SPPL3: variants seen among roughly 807,000 people sequenced by gnomAD.
SPPL3 encodes signal peptide peptidase like 3.
Under a neutral mutation model 42.4 loss-of-function variants are expected in SPPL3, and 5 were observed. That is an observed-to-expected ratio of 0.12 (90% confidence interval 0.06 to 0.25). The LOEUF (loss-of-function observed/expected upper bound fraction) is 0.25, where lower values mean the gene tolerates loss of function less well. Ranked by LOEUF, SPPL3 falls within the 10% of genes least tolerant of loss-of-function variation. SPPL3 has a pLI of 1.00. For synonymous variants in SPPL3, 195 were observed against 181.8 expected (o/e 1.07, Z -0.58); for missense variants, 235 against 489.0 (o/e 0.48, Z 4.90).
At chr12:120,821,781 T>G (rs901229364) in intron 1 of SPPL3, among the ~76,000 whole-genome samples, 3 of 152,152 alleles carry the variant, frequency 2.0e-5, no homozygotes, top group Admixed American at 1.3e-4. Context: ...TCAAACATAC[T>G]TGTACACCAA....
intron 3 of SPPL3, 97 bp from the exon 4 acceptor site, chr12:120,784,690 C>A: frequency 1.1e-6 from 1 of 925,576 alleles, no homozygotes; most frequent in South Asian, 1.8e-5. Flanking sequence ...GCAGACAGTT[C>A]TACGGATTAT....
intron 1 of SPPL3, among the ~76,000 whole-genome samples, chr12:120,898,899 T>C (rs1295132930): frequency 6.6e-6 from 1 of 152,214 alleles, no homozygotes; most frequent in Non-Finnish European, 1.5e-5. Context: ...TTCAAATAAA[T>C]TGACTTCCTT....
intron 1 of SPPL3, among the ~76,000 whole-genome samples, chr12:120,867,824 C>G (rs1371361205): frequency 6.6e-6 from 1 of 151,678 alleles, no homozygotes; most frequent in Admixed American, 6.6e-5. Flanking sequence ...CTCGGCTCAC[C>G]GCAACCTCCA....
intron 1 of SPPL3, among the ~76,000 whole-genome samples, chr12:120,903,161 A>G (rs993055133): frequency 3.9e-5 from 6 of 152,280 alleles, no homozygotes; most frequent in African/African-American, 1.2e-4. Flanking sequence ...GACTCTGCCC[A>G]TGCCCCACTG....
chr12:120,838,205 G>A (rs1214688605), intron 1 of SPPL3, among the ~76,000 whole-genome samples: 1 of 152,182 alleles, frequency 6.6e-6, no homozygotes, highest in African/African-American at 2.4e-5. Context: ...TGAGAGATGG[G>A]CTATCTGAAT....
Position 120,853,983 on chromosome 12 carries a change from TACACACACACACACACACAC to T in SPPL3, c.24-43117_24-43098del, listed in dbSNP as rs58246859. On this transcript the variant is annotated intron_variant, in intron 1 of 10. Transcript: ENST00000353487. ...CACCACCACCACACACACGCACACA[TACACACACACACACACACAC>T]ACACACACACACACACACACACGGG... Among the ~76,000 whole-genome samples, 51 of 130,302 alleles carry T rather than the reference TACACACACACACACACACAC, an allele frequency of 3.9e-4. 2 individuals are homozygous for T. The highest frequency in any genetic ancestry group is 3.2e-4 in the Admixed American group (4 of 12,658). 85.5% of individuals were successfully genotyped at this position (130,302 alleles called of 152,430 possible).
chr12:120,817,367 T>C (rs1870918009), intron 1 of SPPL3, among the ~76,000 whole-genome samples: 1 of 152,218 alleles, frequency 6.6e-6, no homozygotes, highest in Non-Finnish European at 1.5e-5. Flanking sequence ...GAAATACTCT[T>C]TCCATCTTTC....
chr12:120,766,356 A>C lies in SPPL3; in HGVS notation c.990T>G (p.Thr330=). 1 of 1,590,874 alleles carries C rather than the reference A, an allele frequency of 6.3e-7. No homozygotes were observed. The highest frequency in any genetic ancestry group is 8.6e-7 in the Non-Finnish European group (1 of 1,169,178). Residue 330 remains threonine (T), a synonymous_variant, in exon 10 of 11, where the codon ACT becomes ACG. Transcript: ENST00000353487. ...IGYFVGLLTA[T]VASRIHRAAQ... ...CGGCCCGGTGAATGCGAGACGCCAC[A>C]GTAGCAGTGAGCAGGCCTGTGAGGA...
intron 1 of SPPL3, among the ~76,000 whole-genome samples, chr12:120,831,385 C>G (rs1453572352): frequency 3.3e-5 from 5 of 152,180 alleles, no homozygotes; most frequent in Admixed American, 6.5e-5. Flanking sequence ...CCAGCACTCA[C>G]CCCAAATTAA....
At chr12:120,847,880 T>C (rs531477725) in intron 1 of SPPL3, among the ~76,000 whole-genome samples, 5 of 152,286 alleles carry the variant, frequency 3.3e-5, no homozygotes, top group African/African-American at 1.2e-4. Flanking sequence ...GCTTTCAAAA[T>C]GCCACATTGA....
chr12:120,775,448 G>A (rs745740905), intron 6 of SPPL3, among the ~76,000 whole-genome samples: 3 of 152,146 alleles, frequency 2.0e-5, no homozygotes, highest in African/African-American at 4.8e-5. Context: ...CACCGTGCCC[G>A]GTTGAGTGTA....
At chr12:120,877,695 C>T (rs1363760396) in intron 1 of SPPL3, among the ~76,000 whole-genome samples, 5 of 151,184 alleles carry the variant, frequency 3.3e-5, no homozygotes, top group Non-Finnish European at 1.5e-5. Flanking sequence ...GCAGGAGAAT[C>T]GCTTGAACCT....
chr12:120,878,742 A>G (rs1292661441), intron 1 of SPPL3, among the ~76,000 whole-genome samples: 1 of 152,138 alleles, frequency 6.6e-6, no homozygotes, highest in East Asian at 1.9e-4. Flanking sequence ...TATGCCTTAA[A>G]TCCTTCTGTT....
chr12:120,768,246 T>A, intron 8 of SPPL3, 79 bp downstream of exon 8: 1 of 1,481,952 alleles, frequency 6.7e-7, no homozygotes, highest in Non-Finnish European at 9.0e-7. Flanking sequence ...AGAATGCTGA[T>A]GACATTAGAG....
intron 6 of SPPL3, among the ~76,000 whole-genome samples, chr12:120,778,770 C>T (rs1336035598): frequency 2.6e-5 from 4 of 152,082 alleles, no homozygotes; most frequent in African/African-American, 9.7e-5. Flanking sequence ...AATCATTGTA[C>T]TGGTCAAAGT....
chr12:120,849,804 C>G (rs1218288924), intron 1 of SPPL3, among the ~76,000 whole-genome samples: 1 of 152,200 alleles, frequency 6.6e-6, no homozygotes, highest in African/African-American at 2.4e-5. Flanking sequence ...ATACCCTCCC[C>G]CTACAATTCT....
intron 1 of SPPL3, among the ~76,000 whole-genome samples, chr12:120,873,897 A>T (rs1337006916): frequency 6.6e-6 from 1 of 152,096 alleles, no homozygotes; most frequent in Non-Finnish European, 1.5e-5. Flanking sequence ...TTAATTAATT[A>T]AAAAATGAAA....
In SPPL3 at chr12:120,854,541, A is replaced by T. The variant is rs1340130562; in HGVS notation, c.24-43655T>A. Reference sequence around the variant, plus strand: ...TACACCTATAAATCACTAAAACAATAATTGATGAACAAGAGCCTGAGGTGC... The same window carrying T: ...TACACCTATAAATCACTAAAACAATTATTGATGAACAAGAGCCTGAGGTGC... On this transcript the variant is annotated intron_variant, in intron 1 of 10. Coordinates refer to ENST00000353487, the MANE Select transcript of SPPL3 (RefSeq NM_139015.5). Among the ~76,000 whole-genome samples the T allele has an allele frequency of 2.6e-5, 4 of 152,242 alleles. No homozygotes were observed. In the East Asian group the frequency reaches 7.7e-4, roughly 29 times the overall value.
chr12:120,820,306 ATTTTTT>A (rs11374486), intron 1 of SPPL3, among the ~76,000 whole-genome samples: 19 of 100,982 alleles, frequency 1.9e-4, no homozygotes, highest in Admixed American at 3.6e-4. Flanking sequence ...CTTTCTCTAA[ATTTTTT>A]TTTTTTTTTT....
Sources: gnomAD v4.1 joint callset for allele counts (sites outside exome capture counted in the v4.1 genomes callset) on GRCh38, gnomAD v4.1.1 for gene constraint, MANE v1.5 for transcripts, NCBI Gene and HGNC (gene_info 2026-07-23, HGNC 2026-07-21) for gene names.